Variants in CCDC192 observed in about 807,000 individuals in gnomAD.
The protein encoded by CCDC192 is coiled-coil domain containing 192.
At chr5:127,747,502 G>A (rs1373096808) in intron 2 of CCDC192, among the ~76,000 whole-genome samples, 3 of 152,004 alleles carry the variant, frequency 2.0e-5, no homozygotes, top group East Asian at 1.9e-4. Flanking sequence ...AATCCAGTCT[G>A]TCATTGTTGG....
intron 5 of CCDC192, among the ~76,000 whole-genome samples, chr5:127,835,865 C>T (rs1033454073): frequency 3.3e-5 from 5 of 152,132 alleles, no homozygotes; most frequent in South Asian, 2.1e-4. Context: ...GATGAGATTT[C>T]GGTGGAGAGA....
At chr5:127,847,953 C>T (rs182473845) in intron 5 of CCDC192, among the ~76,000 whole-genome samples, 1 of 152,174 alleles carries the variant, frequency 6.6e-6, no homozygotes, top group Non-Finnish European at 1.5e-5. Context: ...CCCACCACCA[C>T]ACCCAGCTAA....
intron 6 of CCDC192, among the ~76,000 whole-genome samples, chr5:127,930,797 A>G (rs1754006680): frequency 6.6e-6 from 1 of 152,216 alleles, no homozygotes; most frequent in South Asian, 2.1e-4. Context: ...TGGAGAGTAG[A>G]TAGAAGATGG....
At chr5:127,875,993 G>A (rs1752060840) in intron 6 of CCDC192, among the ~76,000 whole-genome samples, 1 of 151,790 alleles carries the variant, frequency 6.6e-6, no homozygotes, top group Admixed American at 6.6e-5. Context: ...TGCAGGGACT[G>A]AGCTCTGGAG....
chr5:127,866,689 A>G (rs1751629159), intron 5 of CCDC192, among the ~76,000 whole-genome samples: 2 of 152,030 alleles, frequency 1.3e-5, no homozygotes, highest in Admixed American at 1.3e-4. Flanking sequence ...GCAATTTTCA[A>G]AACATTCACC....
At chr5:127,906,761 GGGC>G (rs1281521940) in intron 6 of CCDC192, among the ~76,000 whole-genome samples, 1 of 149,310 alleles carries the variant, frequency 6.7e-6, no homozygotes, top group Non-Finnish European at 1.5e-5. Context: ...ACTGCAGCCT[GGGC>G]AACAGAGTAA....
intron 4 of CCDC192, among the ~76,000 whole-genome samples, chr5:127,797,652 T>C (rs1757230770): frequency 1.3e-5 from 2 of 150,182 alleles, no homozygotes; most frequent in African/African-American, 4.9e-5. Flanking sequence ...CATTAAAATA[T>C]ATATCATTAT....
chr5:127,933,783 A>G (rs1260276952), intron 6 of CCDC192, among the ~76,000 whole-genome samples: 1 of 152,184 alleles, frequency 6.6e-6, no homozygotes, highest in East Asian at 1.9e-4. Flanking sequence ...CAGAGCCCTC[A>G]TGAATGGGAG....
chr5:127,795,642 G>A (rs1472855867), intron 3 of CCDC192, among the ~76,000 whole-genome samples: 3 of 151,924 alleles, frequency 2.0e-5, no homozygotes, highest in Non-Finnish European at 4.4e-5. Flanking sequence ...GTGCAATGGC[G>A]CGATTTTGGC....
At chr5:127,793,037 C>G (rs1756970018) in intron 3 of CCDC192, among the ~76,000 whole-genome samples, 1 of 152,116 alleles carries the variant, frequency 6.6e-6, no homozygotes, top group Non-Finnish European at 1.5e-5. Flanking sequence ...CTATTGGGTA[C>G]TATGCTCACT....
chr5:127,726,134 G>A (rs1266021102), intron 2 of CCDC192, among the ~76,000 whole-genome samples: 2 of 152,014 alleles, frequency 1.3e-5, no homozygotes, highest in East Asian at 3.8e-4. Flanking sequence ...ATGGACTTGT[G>A]TGATAATTGC....
chr5:127,732,566 C>T lies in CCDC192; in HGVS notation c.115-21702C>T, dbSNP rs181477084. ...CGCATATGTTCATTGCAGCACTATT[C>T]ACAATAGCAAAGACATGGAATTAAC... On this transcript the variant is annotated intron_variant, in intron 2 of 6. Transcript: ENST00000514853. Among the ~76,000 whole-genome samples, 353 of 152,234 alleles carry T rather than the reference C, an allele frequency of 2.3e-3. 4 individuals are homozygous for T. The highest frequency in any genetic ancestry group is 0.01 in the Middle Eastern group (3 of 294).
intron 5 of CCDC192, among the ~76,000 whole-genome samples, chr5:127,836,192 G>A (rs1422024944): frequency 6.6e-6 from 1 of 152,172 alleles, no homozygotes; most frequent in Non-Finnish European, 1.5e-5. Context: ...ATCCAGCAGG[G>A]CAGTCAAATC....
At chr5:127,876,318 G>A (rs1421749) in intron 6 of CCDC192, among the ~76,000 whole-genome samples, 110,848 of 151,650 alleles carry the variant, frequency 0.73, 41,215 homozygotes, top group African/African-American at 0.89. Flanking sequence ...TTAATACAGT[G>A]CTATGGGCCA....
At chr5:127,799,647 A>T (rs767508382) in intron 5 of CCDC192, among the ~76,000 whole-genome samples, 1 of 152,194 alleles carries the variant, frequency 6.6e-6, no homozygotes, top group Non-Finnish European at 1.5e-5. Context: ...TGAAAAACAG[A>T]TGAAAAAAGC....
At chr5:127,915,424 C>A (rs950364221) in intron 6 of CCDC192, among the ~76,000 whole-genome samples, 6 of 152,192 alleles carry the variant, frequency 3.9e-5, no homozygotes, top group African/African-American at 1.4e-4. Context: ...CGCTGTCGCC[C>A]AGGCTGGAAT....
rs529349732 is a variant in CCDC192 at position 127,908,501 on chromosome 5, T to C, written c.536-32681T>C. ...AACAGAATAAAAACCTCAAACAAAT[T>C]AGATTAGAAATAAAGTTTAACATCA... is the stretch of plus-strand genomic sequence containing the variant. On this transcript the variant is annotated intron_variant, in intron 6 of 6. Coordinates refer to ENST00000514853, the MANE Select transcript of CCDC192 (RefSeq NM_001317938.2). 5.3e-5 allele frequency among the ~76,000 whole-genome samples: 8 copies of C among 152,298 alleles called. No homozygotes were observed. The Middle Eastern group carries it at 0.01, about 194-fold the overall frequency.
chr5:127,754,423 C>T, intron 3 of CCDC192, 48 bp downstream of exon 3: 1 of 392,266 alleles, frequency 2.5e-6, no homozygotes. Flanking sequence ...CAGTGTGCAG[C>T]ATGGCAAGTG....
intron 5 of CCDC192, among the ~76,000 whole-genome samples, chr5:127,860,656 T>A (rs1176087037): frequency 1.3e-5 from 2 of 152,038 alleles, no homozygotes; most frequent in African/African-American, 4.8e-5. Context: ...AGATGCAATA[T>A]TTCTTTCCTT....
Sources: gnomAD v4.1 joint callset for allele counts (sites outside exome capture counted in the v4.1 genomes callset) on GRCh38, gnomAD v4.1.1 for gene constraint, MANE v1.5 for transcripts, NCBI Gene and HGNC (gene_info 2026-07-23, HGNC 2026-07-21) for gene names.